The following KCTD1 variants were observed in gnomAD, a reference collection of about 807,000 sequenced individuals.
KCTD1 encodes potassium channel tetramerization domain containing 1.
Under a neutral mutation model 66.0 loss-of-function variants are expected in KCTD1, and 24 were observed. The ratio of observed to expected loss-of-function variants is 0.36; its 90% CI spans 0.26 to 0.51. The LOEUF is 0.51. KCTD1 is among the 20% of genes least tolerant of loss of function. KCTD1 has a pLI of 0.95. For synonymous variants in KCTD1, 511 were observed against 517.2 expected, an observed-to-expected ratio of 0.99 and a Z score of 0.16; for missense variants, 943 against 1,205.2, an observed-to-expected ratio of 0.78 and a Z score of 3.22.
At chr18:26,656,538 G>A (rs866754824) in intron 1 of KCTD1, among the ~76,000 whole-genome samples, 1 of 151,908 alleles carries the variant, frequency 6.6e-6, no homozygotes, top group Non-Finnish European at 1.5e-5. Flanking sequence ...GACCAGCCCG[G>A]CCGGCGACGA....
rs931646035 is a variant in KCTD1, at chr18:26,553,847, G to T, written c.-15-52597C>A. Among the ~76,000 whole-genome samples, 8 of 146,966 alleles carry T rather than the reference G, an allele frequency of 5.4e-5. No individual in the cohort carries two copies. The South Asian group carries it at 1.5e-3, about 28-fold the overall frequency. Reference sequence around the variant, plus strand: ...GAGGGTAAAAAAAAAAAAAAAAAAGGTGAAGACATTTGCCCAAGGTCTCCC... The same window carrying T: ...GAGGGTAAAAAAAAAAAAAAAAAAGTTGAAGACATTTGCCCAAGGTCTCCC... On this transcript the variant is annotated intron_variant, in intron 1 of 4. Transcript: ENST00000317932.
intron 1 of KCTD1, among the ~76,000 whole-genome samples, chr18:26,559,988 G>A (rs138586803): frequency 4.3e-4 from 66 of 152,080 alleles, no homozygotes; most frequent in East Asian, 3.7e-3. Flanking sequence ...TTCTACTCTC[G>A]TTCCCTGGGG....
upstream of KCTD1, among the ~76,000 whole-genome samples, chr18:26,631,871 AC>A (rs1368311344): frequency 6.8e-6 from 1 of 146,108 alleles, no homozygotes; most frequent in East Asian, 2.1e-4. Context: ...ACATGGTGAA[AC>A]CCCGTCTCTA....
At chr18:26,555,574 G>A (rs1026630352) in intron 1 of KCTD1, among the ~76,000 whole-genome samples, 2 of 152,208 alleles carry the variant, frequency 1.3e-5, no homozygotes, top group Non-Finnish European at 2.9e-5. Flanking sequence ...TGCTTTACTT[G>A]TAGTTTGGTA....
At chr18:26,559,869 T>G (rs1985803789) in intron 1 of KCTD1, among the ~76,000 whole-genome samples, 1 of 152,190 alleles carries the variant, frequency 6.6e-6, no homozygotes, top group South Asian at 2.1e-4. Flanking sequence ...GCAGCGACCT[T>G]CTGCTGCAGG....
intron 1 of KCTD1, among the ~76,000 whole-genome samples, chr18:26,639,269 CA>C (rs1987786021): frequency 6.6e-6 from 1 of 152,152 alleles, no homozygotes; most frequent in African/African-American, 2.4e-5. Context: ...CATCTGGGAG[CA>C]AAGAAGTCTG....
intron 1 of KCTD1, among the ~76,000 whole-genome samples, chr18:26,553,601 A>G (rs961531531): frequency 6.6e-6 from 1 of 152,204 alleles, no homozygotes; most frequent in Non-Finnish European, 1.5e-5. Flanking sequence ...TTGCCTTACT[A>G]GCCACCCTTT....
intron 1 of KCTD1, among the ~76,000 whole-genome samples, chr18:26,504,657 G>A (rs901921840): frequency 2.0e-5 from 3 of 152,146 alleles, no homozygotes; most frequent in African/African-American, 4.8e-5. Flanking sequence ...ACAGGTGTGA[G>A]CCACTGTACC....
chr18:26,597,371 G>T (rs1201893966), intron 1 of KCTD1, among the ~76,000 whole-genome samples: 1 of 152,120 alleles, frequency 6.6e-6, no homozygotes, highest in Non-Finnish European at 1.5e-5. Context: ...GCAGGGAGGG[G>T]CAGCAGTGGT....
At chr18:26,580,161 G>A (rs1314026035) in intron 1 of KCTD1, among the ~76,000 whole-genome samples, 9 of 152,150 alleles carry the variant, frequency 5.9e-5, no homozygotes, top group Non-Finnish European at 1.5e-5. Context: ...CCCCATTCCA[G>A]GCTCTTGGTT....
intron 3 of KCTD1, among the ~76,000 whole-genome samples, chr18:26,462,732 CCATTGG>C (rs1337544866): frequency 2.6e-5 from 4 of 152,174 alleles, no homozygotes; most frequent in Non-Finnish European, 5.9e-5. Flanking sequence ...AGAGTCAGTC[CCATTGG>C]CTACTGTCTT....
At chr18:26,590,250 ATT>A (rs111469938) in intron 1 of KCTD1, among the ~76,000 whole-genome samples, 1 of 138,930 alleles carries the variant, frequency 7.2e-6, no homozygotes. Flanking sequence ...CACCTGGCTC[ATT>A]TTTTTTTTTT....
intron 1 of KCTD1, among the ~76,000 whole-genome samples, chr18:26,526,175 G>A (rs1429965201): frequency 1.3e-5 from 2 of 152,270 alleles, no homozygotes; most frequent in African/African-American, 4.8e-5. Flanking sequence ...TGAGTTAAAT[G>A]TGAGAAAAGA....
intron 1 of KCTD1, among the ~76,000 whole-genome samples, chr18:26,554,833 C>T (rs1319366363): frequency 1.3e-5 from 2 of 152,084 alleles, no homozygotes. Flanking sequence ...TTTTATCGAG[C>T]CTAAGAGTGT....
chr18:26,579,828 G>A (rs1187052612), intron 1 of KCTD1, among the ~76,000 whole-genome samples: 1 of 152,146 alleles, frequency 6.6e-6, no homozygotes, highest in South Asian at 2.1e-4. Context: ...TTCTTCAGCT[G>A]GGCACCCTCT....
At chr18:26,536,846 G>A (rs1984732162) in intron 1 of KCTD1, among the ~76,000 whole-genome samples, 3 of 151,866 alleles carry the variant, frequency 2.0e-5, no homozygotes, top group Admixed American at 2.0e-4. Flanking sequence ...GTCCCAAGAG[G>A]TGGTTCTAAA....
intron 4 of KCTD1, chr18:26,458,948 T>G (rs1980252771): frequency 6.6e-6 from 1 of 152,230 alleles, no homozygotes; most frequent in Admixed American, 6.5e-5. Flanking sequence ...AACCCTCCAA[T>G]GGATTTCCAT....
intron 1 of KCTD1, among the ~76,000 whole-genome samples, chr18:26,647,515 A>T (rs1334546952): frequency 1.0e-5 from 1 of 97,110 alleles, no homozygotes; most frequent in Non-Finnish European, 2.0e-5. Flanking sequence ...GTGAGACTCC[A>T]TCTCAAAAAA....
chr18:26,514,508 C>T (rs970539223), intron 1 of KCTD1, among the ~76,000 whole-genome samples: 1 of 147,502 alleles, frequency 6.8e-6, no homozygotes, highest in Non-Finnish European at 1.5e-5. Flanking sequence ...TATGATCATG[C>T]CACTGCATCC....
Sources: gnomAD v4.1 joint callset for allele counts (sites outside exome capture counted in the v4.1 genomes callset) on GRCh38, gnomAD v4.1.1 for gene constraint, MANE v1.5 for transcripts, NCBI Gene and HGNC (gene_info 2026-07-23, HGNC 2026-07-21) for gene names.